The following C1QTNF5 variants were observed in gnomAD, a reference collection of about 807,000 sequenced individuals.
C1QTNF5 encodes the protein complement C1q tumor necrosis factor-related protein 5.
A neutral mutation model predicts 10.9 loss-of-function variants in C1QTNF5; 5 were observed. The observed-to-expected ratio is 0.46, with a 90% CI of 0.24 to 0.97. The LOEUF (loss-of-function observed/expected upper bound fraction) is 0.97. Ranked by LOEUF, C1QTNF5 falls within the 50% of genes least tolerant of loss-of-function variation. The probability of loss-of-function intolerance (pLI) is 0.19; values close to 1 mark genes in which losing one functional copy is unlikely to be tolerated. For synonymous variants in C1QTNF5, 161 were observed against 156.5 expected (o/e 1.03, Z -0.22); for missense variants, 281 against 339.4 (o/e 0.83, Z 1.35).
At chr11:119,346,019 C>T in the C1QTNF5 span, 29 of 1,612,552 alleles carry the variant, frequency 1.8e-5, no homozygotes, top group Middle Eastern at 1.6e-4. Context: ...CCAAAGCCCT[C>T]GTTTCAAGCT....
chr11:119,341,712 G>A (rs1324308399), upstream of C1QTNF5: 3 of 1,613,202 alleles, frequency 1.9e-6, no homozygotes, highest in East Asian at 2.2e-5. Context: ...GTGCAACGGG[G>A]CACAAGCAGC....
At position 119,339,086 on chromosome 11, in the gene C1QTNF5, C is replaced by G; in HGVS notation, c.*245G>C. Reference sequence around the variant, plus strand: ...TGGACCAGAGCAACTGGGGGACTTACACTTGCCAGCACAGCACACTCCTCT... The same window carrying G: ...TGGACCAGAGCAACTGGGGGACTTAGACTTGCCAGCACAGCACACTCCTCT... On this transcript the variant is annotated 3_prime_UTR_variant, in exon 3 of 3. Coordinates refer to ENST00000528368, the MANE Select transcript of C1QTNF5 (RefSeq NM_001278431.2). The surrounding 1 kb of genome is among the most constrained non-coding windows in gnomAD (Gnocchi z 5.4). 2.0e-6 allele frequency: 1 copy of G among 504,326 alleles called. No homozygotes were observed. Among genetic ancestry groups the G allele is most frequent in the Non-Finnish European group, 3.5e-6 (1 of 285,716 alleles). The allele number at this position is 504,326 out of a possible 1,614,324, so 31.2% of individuals were successfully genotyped here.
chr11:119,341,427 T>TG, upstream of C1QTNF5: 1 of 814,960 alleles, frequency 1.2e-6, no homozygotes, highest in Admixed American at 2.5e-5. Flanking sequence ...TCCCCCTCCC[T>TG]GGGAGCCCCA....
chr11:119,346,695 T>G, the C1QTNF5 span: 1 of 664,572 alleles, frequency 1.5e-6, no homozygotes, highest in Non-Finnish European at 2.7e-6. Flanking sequence ...TGGGCTACTC[T>G]GTCTCTGTGT....
chr11:119,345,891 G>T (rs767087902), upstream of C1QTNF5: 4 of 1,613,750 alleles, frequency 2.5e-6, no homozygotes, highest in Non-Finnish European at 3.4e-6. Context: ...CAGGCAGTGG[G>T]CTATGGGACG....
chr11:119,344,081 T>C (rs184321209), upstream of C1QTNF5: 6 of 1,371,500 alleles, frequency 4.4e-6, no homozygotes, highest in Admixed American at 3.7e-5. Context: ...GCTTTCATCA[T>C]TGGTGGTTCT....
chr11:119,346,126 C>T, the C1QTNF5 span: 1,568 of 1,603,600 alleles, frequency 9.8e-4, 15 homozygotes, highest in East Asian at 5.0e-3. Flanking sequence ...CCAGGAGAAG[C>T]GGCAGTCTGG....
Position 119,340,677 on chromosome 11 carries a change from C to G in C1QTNF5, c.-44+18G>C. ...CAGTCCCCTCCCCAGCCCCTTTCCC[C>G]TCCTCCGCCAGACTCACCCCCCCTC... On this transcript the variant is annotated intron_variant, in intron 1 of 2. Coordinates refer to ENST00000528368, the MANE Select transcript of C1QTNF5 (RefSeq NM_001278431.2). 2 of 481,686 alleles carry G rather than the reference C, an allele frequency of 4.2e-6. No homozygotes were observed. 29.8% of individuals were successfully genotyped at this position (481,686 alleles called of 1,614,324 possible). A position where few individuals can be genotyped will look rare whatever the true frequency, so the allele number is the denominator to read the frequency against.
At chr11:119,344,526 G>T, upstream of C1QTNF5, 3 of 1,596,550 alleles carry the variant, frequency 1.9e-6, no homozygotes, top group East Asian at 6.7e-5. Context: ...TGACTGAGCA[G>T]GAAATGCTGA....
At chr11:119,344,858 GTGGGAAC>G, upstream of C1QTNF5, 7 of 1,613,430 alleles carry the variant, frequency 4.3e-6, no homozygotes, top group Non-Finnish European at 5.9e-6. Context: ...CAACAGGCAG[GTGGGAAC>G]ACACTCACCG....
upstream of C1QTNF5, chr11:119,344,876 C>T (rs61736238): frequency 5.6e-3 from 9,010 of 1,613,140 alleles, 383 homozygotes; most frequent in African/African-American, 0.097. Flanking sequence ...ACACTCACCG[C>T]GCCCAGGGGC....
chr11:119,346,254 A>T, the C1QTNF5 span: 2 of 1,596,464 alleles, frequency 1.3e-6, no homozygotes, highest in Non-Finnish European at 8.6e-7. Context: ...CCCCCAGGTC[A>T]CCCCCTGGGA....
upstream of C1QTNF5, among the ~76,000 whole-genome samples, chr11:119,343,581 T>TA (rs1456682155): frequency 1.3e-5 from 2 of 151,346 alleles, no homozygotes; most frequent in African/African-American, 4.9e-5. Flanking sequence ...CCCCTGCCGG[T>TA]GGGGAGGAAC....
At chr11:119,342,645 G>A (rs762905998), upstream of C1QTNF5, 1 of 1,613,672 alleles carries the variant, frequency 6.2e-7, no homozygotes, top group South Asian at 1.1e-5. Flanking sequence ...TGCCATCGGT[G>A]CAGTCTCTCC....
upstream of C1QTNF5, chr11:119,340,981 G>A (rs937832823): frequency 1.1e-4 from 20 of 174,064 alleles, no homozygotes; most frequent in African/African-American, 4.3e-4. Context: ...GAGGGGGAGA[G>A]AGACTTGAGC....
upstream of C1QTNF5, chr11:119,341,426 C>CT: frequency 1.2e-6 from 1 of 810,822 alleles, no homozygotes; most frequent in South Asian, 1.7e-5. Context: ...TTCCCCCTCC[C>CT]TGGGAGCCCC....
At chr11:119,344,391 C>G, upstream of C1QTNF5, 9 of 1,613,476 alleles carry the variant, frequency 5.6e-6, no homozygotes, top group East Asian at 2.2e-5. Context: ...CCCCCCACAC[C>G]CTGTAGAGAG....
At chr11:119,343,997 C>A, upstream of C1QTNF5, 2 of 1,609,136 alleles carry the variant, frequency 1.2e-6, no homozygotes, top group Non-Finnish European at 8.5e-7. Flanking sequence ...CAATTCATGG[C>A]CCCTTCTCCT....
chr11:119,339,481 C>T lies in C1QTNF5; in HGVS notation c.582G>A (p.Gly194=), dbSNP rs759871657. ...CCTCAGGCTCCAGCCTCACCATGGC[C>T]CCCCCCGAGAGCGAGGCTGGCTTGG... ...GWPKPASLSG[G]AMVRLEPEDQ... Residue 194 remains glycine (G), a synonymous_variant, in exon 3 of 3, where the codon GGG becomes GGA. Coordinates refer to ENST00000528368, the MANE Select transcript of C1QTNF5 (RefSeq NM_001278431.2). The surrounding 1 kb of genome is among the most constrained non-coding windows in gnomAD (Gnocchi z 5.4). 2 of 1,613,748 alleles carry T rather than the reference C, an allele frequency of 1.2e-6. No individual in the cohort carries two copies. The highest frequency in any genetic ancestry group is 1.7e-6 in the Non-Finnish European group (2 of 1,179,990).
Sources: gnomAD v4.1 joint callset for allele counts (sites outside exome capture counted in the v4.1 genomes callset) on GRCh38, gnomAD v4.1.1 for gene constraint, Gnocchi (gnomAD v3.1) non-coding constraint, MANE v1.5 for transcripts, NCBI Gene and HGNC (gene_info 2026-07-23, HGNC 2026-07-21) for gene names.